The following SH3GL2 variants were observed in gnomAD, a reference collection of about 807,000 sequenced individuals.
SH3GL2 encodes SH3 domain containing GRB2 like 2, endophilin A1.
In SH3GL2, 24 loss-of-function variants were observed where a neutral mutation model predicts 46.0. That is an observed-to-expected ratio of 0.52 (90% CI 0.38 to 0.73). SH3GL2 has a LOEUF of 0.73. Ranked by LOEUF, SH3GL2 falls within the 30% of genes least tolerant of loss-of-function variation. SH3GL2 has a pLI of 0.00. For missense variants in SH3GL2, 413 were observed against 424.2 expected, an observed-to-expected ratio of 0.97 and a Z score of 0.23; for synonymous variants, 196 against 147.1, an observed-to-expected ratio of 1.33 and a Z score of -2.40.
chr9:17,637,762 A>C (rs934969850), intron 1 of SH3GL2, among the ~76,000 whole-genome samples: 6 of 152,248 alleles, frequency 3.9e-5, no homozygotes, highest in Non-Finnish European at 8.8e-5. Context: ...TTATGGAGTC[A>C]CAGCACGTAA....
intron 1 of SH3GL2, among the ~76,000 whole-genome samples, chr9:17,714,802 C>A (rs945521045): frequency 6.6e-6 from 1 of 151,700 alleles, no homozygotes; most frequent in Non-Finnish European, 1.5e-5. Flanking sequence ...ACATATATAA[C>A]CTGTAACATT....
rs1395687606 is a variant in SH3GL2 at position 17,786,544 on chromosome 9, A to G, written c.331+20A>G. On this transcript the variant is annotated intron_variant, in intron 4 of 8. Transcript: ENST00000380607. ...ACTTTGGTAACAAGTGCTTCCTCAC[A>G]TTGTAATTCTTTCATTTGTCCATGG... 7 of 1,610,222 alleles carry G rather than the reference A, an allele frequency of 4.3e-6. No individual in the cohort carries two copies. The highest frequency in any genetic ancestry group is 4.5e-5 in the East Asian group (2 of 44,806).
At chr9:17,715,189 C>A (rs906493633) in intron 1 of SH3GL2, among the ~76,000 whole-genome samples, 9 of 140,728 alleles carry the variant, frequency 6.4e-5, no homozygotes, top group Non-Finnish European at 9.4e-5. Context: ...TGATTTCTTT[C>A]TTTTCTTTTT....
chr9:17,772,052 A>G (rs1353998154), intron 3 of SH3GL2, among the ~76,000 whole-genome samples: 2 of 152,226 alleles, frequency 1.3e-5, no homozygotes, highest in Non-Finnish European at 2.9e-5. Context: ...AGCAGAGCAC[A>G]TTGGTATCAG....
chr9:17,642,017 C>G (rs543857390), intron 1 of SH3GL2, among the ~76,000 whole-genome samples: 1 of 152,284 alleles, frequency 6.6e-6, no homozygotes, highest in African/African-American at 2.4e-5. Context: ...AATCACCACA[C>G]TGTCTTGCCC....
At chr9:17,642,157 C>T (rs1819700949) in intron 1 of SH3GL2, among the ~76,000 whole-genome samples, 1 of 152,174 alleles carries the variant, frequency 6.6e-6, no homozygotes, top group Non-Finnish European at 1.5e-5. Flanking sequence ...TAAATGGCTT[C>T]TCTTGAAAAG....
At chr9:17,787,239 C>T in intron 4 of SH3GL2, 141 bp from the exon 5 acceptor site, 1 of 647,432 alleles carries the variant, frequency 1.5e-6, no homozygotes, top group Non-Finnish European at 2.7e-6. Flanking sequence ...CTGGAGTGAA[C>T]TGAAGATACC....
intron 1 of SH3GL2, among the ~76,000 whole-genome samples, chr9:17,683,536 A>G (rs761558709): frequency 1.1e-4 from 17 of 152,170 alleles, no homozygotes; most frequent in South Asian, 6.2e-4. Flanking sequence ...CACTGGGACT[A>G]TTAGAGATCT....
At chr9:17,758,220 G>A in intron 2 of SH3GL2, among the ~76,000 whole-genome samples, 1 of 151,938 alleles carries the variant, frequency 6.6e-6, no homozygotes, top group East Asian at 1.9e-4. Flanking sequence ...ATGCTCCCCT[G>A]GTCTCTTCCT....
intron 3 of SH3GL2, among the ~76,000 whole-genome samples, chr9:17,764,097 G>A (rs1252559184): frequency 6.6e-6 from 1 of 152,182 alleles, no homozygotes; most frequent in Non-Finnish European, 1.5e-5. Context: ...GACTATTTGA[G>A]AGTTGAATGG....
At chr9:17,631,343 C>G (rs765271141) in intron 1 of SH3GL2, among the ~76,000 whole-genome samples, 1 of 152,168 alleles carries the variant, frequency 6.6e-6, no homozygotes, top group African/African-American at 2.4e-5. Context: ...ATAAAAACCA[C>G]AGTGTAGTGT....
chr9:17,786,200 G>C (rs141600446), intron 3 of SH3GL2, among the ~76,000 whole-genome samples, 181 bp from the exon 4 acceptor site: 1,837 of 152,278 alleles, frequency 0.012, 40 homozygotes, highest in African/African-American at 0.04. Flanking sequence ...GGAGAGTTTA[G>C]TGCTTTAAAA....
chr9:17,696,244 T>G lies in SH3GL2; in HGVS notation c.46-50822T>G, dbSNP rs570811311. 3.3e-5 allele frequency among the ~76,000 whole-genome samples: 5 copies of G among 152,334 alleles called. No homozygotes were observed. In the East Asian group the frequency reaches 9.7e-4, roughly 29 times the overall value. On this transcript the variant is annotated intron_variant, in intron 1 of 8. Transcript: ENST00000380607. Reference sequence around the variant, plus strand: ...TCTAGCTTTATAACTCAAGGATATTTTAAATACAGATAACTATTACATTTG... The same window carrying G: ...TCTAGCTTTATAACTCAAGGATATTGTAAATACAGATAACTATTACATTTG...
chr9:17,655,703 A>C (rs372982932), intron 1 of SH3GL2, among the ~76,000 whole-genome samples: 6 of 152,158 alleles, frequency 3.9e-5, no homozygotes, highest in Admixed American at 6.5e-5. Context: ...TGCTGTTCTC[A>C]TCTTCTGATT....
chr9:17,773,526 A>G (rs1173315181), intron 3 of SH3GL2, among the ~76,000 whole-genome samples: 1 of 152,080 alleles, frequency 6.6e-6, no homozygotes, highest in African/African-American at 2.4e-5. Flanking sequence ...TTTTTTGCAT[A>G]TAGATCCATT....
chr9:17,747,244 T>C (rs1822717688), intron 2 of SH3GL2, 110 bp downstream of exon 2: 4 of 617,088 alleles, frequency 6.5e-6, no homozygotes, highest in Non-Finnish European at 1.2e-5. Flanking sequence ...TCTCTGAGAA[T>C]ACTACATTTT....
intron 1 of SH3GL2, among the ~76,000 whole-genome samples, chr9:17,723,578 G>C (rs1185945510): frequency 1.3e-5 from 2 of 152,110 alleles, no homozygotes; most frequent in Non-Finnish European, 2.9e-5. Flanking sequence ...AGGAGGGATT[G>C]CCTCTATTTA....
At chr9:17,585,198 G>GC (rs781246449) in intron 1 of SH3GL2, among the ~76,000 whole-genome samples, 6 of 152,178 alleles carry the variant, frequency 3.9e-5, no homozygotes, top group African/African-American at 7.2e-5. Context: ...GCTTGAGGCA[G>GC]CGGCGAGAGA....
chr9:17,721,663 A>G (rs530038156), intron 1 of SH3GL2, among the ~76,000 whole-genome samples: 101 of 152,216 alleles, frequency 6.6e-4, no homozygotes, highest in Admixed American at 3.3e-3. Flanking sequence ...GCATGCACTT[A>G]CCATACATGT....
Sources: allele counts gnomAD v4.1 joint callset (sites outside exome capture counted in the v4.1 genomes callset), GRCh38; gene constraint gnomAD v4.1.1; transcripts MANE v1.5; gene names NCBI Gene and HGNC (gene_info 2026-07-23, HGNC 2026-07-21).